Variants in DAG1 observed in about 807,000 individuals in gnomAD.
DAG1 encodes the protein dystroglycan 1.
DAG1 carries 8 observed loss-of-function variants against 46.1 expected under a neutral mutation model. The ratio of observed to expected loss-of-function variants is 0.17; its 90% CI spans 0.10 to 0.31. The LOEUF is 0.31. Ranked by LOEUF, DAG1 falls within the 10% of genes least tolerant of loss-of-function variation. The pLI is 1.00. For missense variants in DAG1, 1,003 were observed against 1,189.9 expected (o/e 0.84, Z 2.31); for synonymous variants, 495 against 481.8 (o/e 1.03, Z -0.36).
rs778610513 is a variant in DAG1, at chr3:49,532,447, A to G, written c.1936A>G (p.Thr646Ala). Residue 646 changes from threonine (T) to alanine (A), a missense_variant, in exon 3 of 3, where the codon ACC (threonine) becomes GCC (alanine). This residue lies in a region of DAG1 where 755 missense variants were observed against 854.1 expected (regional missense o/e 0.88). Coordinates refer to ENST00000308775, the MANE Select transcript of DAG1 (RefSeq NM_004393.6). This position sits in a 1 kb window ranked among gnomAD's most constrained non-coding sequence, Gnocchi z 5.4. ...AFGDRNCSTITLQNITRGSIV... is the reference protein window; with the variant it reads ...AFGDRNCSTIALQNITRGSIV... The stretch of plus-strand genomic sequence containing the variant: ...TGGAGACCGAAACTGTAGCACCATC[A>G]CCCTGCAGAATATCACCCGGGGCTC... 5 of 1,614,136 alleles carry G rather than the reference A, an allele frequency of 3.1e-6. No individual in the cohort carries two copies. The highest frequency in any genetic ancestry group is 4.2e-6 in the Non-Finnish European group (5 of 1,180,010).
intron 1 of DAG1, among the ~76,000 whole-genome samples, chr3:49,470,731 T>A (rs907482061): frequency 6.6e-6 from 1 of 152,190 alleles, no homozygotes; most frequent in Non-Finnish European, 1.5e-5. Flanking sequence ...GCCTGCGCCT[T>A]GGCCGCGGTC....
At chr3:49,490,804 A>G (rs191855284) in intron 1 of DAG1, among the ~76,000 whole-genome samples, 2 of 151,340 alleles carry the variant, frequency 1.3e-5, no homozygotes, top group East Asian at 3.9e-4. Flanking sequence ...TCATCAGTGC[A>G]AGCTATCTGC....
chr3:49,526,130 C>T (rs1013995552), intron 2 of DAG1, among the ~76,000 whole-genome samples: 6 of 152,320 alleles, frequency 3.9e-5, no homozygotes, highest in Non-Finnish European at 5.9e-5. Flanking sequence ...GGATTATAGG[C>T]GTGAGCCTCT....
chr3:49,478,444 A>T (rs1460286068), intron 1 of DAG1, among the ~76,000 whole-genome samples: 2 of 149,870 alleles, frequency 1.3e-5, no homozygotes, highest in African/African-American at 2.4e-5. Context: ...AAAATAAAAA[A>T]AAAAAAAAAA....
intron 1 of DAG1, among the ~76,000 whole-genome samples, chr3:49,506,658 C>T (rs1354244314): frequency 6.6e-6 from 1 of 152,080 alleles, no homozygotes; most frequent in Non-Finnish European, 1.5e-5. Context: ...GGAATAAGTA[C>T]CACTTGGTCG....
chr3:49,525,452 T>G (rs193023809), intron 2 of DAG1, among the ~76,000 whole-genome samples: 45 of 152,320 alleles, frequency 3.0e-4, no homozygotes, highest in Non-Finnish European at 4.4e-5. Context: ...GGCTTCTGCT[T>G]CTGGGGATGC....
At chr3:49,473,578 TCTTC>T (rs1253110726) in intron 1 of DAG1, among the ~76,000 whole-genome samples, 22 of 151,942 alleles carry the variant, frequency 1.4e-4, no homozygotes, top group Non-Finnish European at 2.9e-4. Flanking sequence ...TCATTTCTTT[TCTTC>T]CTTTTTTTTT....
At chr3:49,513,878 A>C (rs1228012919) in intron 2 of DAG1, among the ~76,000 whole-genome samples, 3 of 152,188 alleles carry the variant, frequency 2.0e-5, no homozygotes, top group Admixed American at 1.3e-4. Context: ...TTAATCCTGA[A>C]TATCCATACC....
At chr3:49,474,350 G>A (rs958319407) in intron 1 of DAG1, among the ~76,000 whole-genome samples, 5 of 151,224 alleles carry the variant, frequency 3.3e-5, no homozygotes, top group South Asian at 2.1e-4. Context: ...CACCGCACCC[G>A]GCTAATTTTT....
At chr3:49,519,731 A>G (rs749190620) in intron 2 of DAG1, among the ~76,000 whole-genome samples, 19 of 152,328 alleles carry the variant, frequency 1.2e-4, no homozygotes, top group Non-Finnish European at 2.2e-4. Context: ...ATAGGCTTCT[A>G]TGTTTAAAAA....
chr3:49,515,137 G>A (rs985099959), intron 2 of DAG1, among the ~76,000 whole-genome samples: 2 of 151,650 alleles, frequency 1.3e-5, no homozygotes, highest in African/African-American at 4.8e-5. Context: ...CCCAGCCCAC[G>A]TTTTGTATTT....
rs201202889 is a variant in DAG1 at position 49,478,802 on chromosome 3, C to CTTTTTTTTTTTTTTTT, written c.-117+8382_-117+8397dup. Among the ~76,000 whole-genome samples the CTTTTTTTTTTTTTTTT allele has an allele frequency of 6.1e-4, 46 of 76,012 alleles. 3 individuals are homozygous for CTTTTTTTTTTTTTTTT. The highest frequency in any genetic ancestry group is 1.4e-3 in the South Asian group (3 of 2,096). 49.9% of individuals were successfully genotyped at this position (76,012 alleles called of 152,430 possible). ...TGAAAAGTCTCTTGTCGTCCCCTCCCTTTTTTTTTTTTTTTTTTTTTTTTT... is the reference window on the plus strand; with the variant it reads ...TGAAAAGTCTCTTGTCGTCCCCTCCCTTTTTTTTTTTTTTTTTTTTTTTTTTTTTTTTTTTTTTTTT... On this transcript the variant is annotated intron_variant, in intron 1 of 2. Transcript: ENST00000308775.
intron 1 of DAG1, among the ~76,000 whole-genome samples, chr3:49,492,039 G>A (rs943717747): frequency 3.3e-5 from 5 of 151,504 alleles, no homozygotes; most frequent in African/African-American, 1.2e-4. Flanking sequence ...CAATTCTTCT[G>A]CCTCAGCCTC....
chr3:49,534,774 T>G lies in DAG1; in HGVS notation c.*1575T>G, dbSNP rs945204013. On this transcript the variant is annotated 3_prime_UTR_variant, in exon 3 of 3. Transcript: ENST00000308775. ...GAAGAAACCATTTTGAGCATGACTT[T>G]TCTTGATGTCTGAAGCGTTATTTTG... 6.6e-6 allele frequency: 1 copy of G among 152,650 alleles called. No individual in the cohort carries two copies. Among genetic ancestry groups the G allele is most frequent in the African/African-American group, 2.4e-5 (1 of 41,446 alleles). 9.5% of individuals were successfully genotyped at this position (152,650 alleles called of 1,614,324 possible). A position where few individuals can be genotyped will look rare whatever the true frequency, so the allele number is the denominator to read the frequency against.
intron 1 of DAG1, 163 bp downstream of exon 1, chr3:49,470,596 G>C (rs1352105718): frequency 6.6e-6 from 1 of 152,288 alleles, no homozygotes; most frequent in Admixed American, 6.5e-5. Flanking sequence ...TGCCGCCCGG[G>C]CGGAGCCGCC....
chr3:49,481,823 A>G (rs1216464590), intron 1 of DAG1, among the ~76,000 whole-genome samples: 1 of 152,200 alleles, frequency 6.6e-6, no homozygotes, highest in Non-Finnish European at 1.5e-5. Context: ...ATGAGAATCT[A>G]CAAACAAGCA....
At chr3:49,470,161 A>G (rs2049465585), upstream of DAG1, 1 of 150,812 alleles carries the variant, frequency 6.6e-6, no homozygotes. Flanking sequence ...GCGGACAGCC[A>G]GTCGGCGCCG....
intron 2 of DAG1, among the ~76,000 whole-genome samples, chr3:49,514,588 C>T (rs1221981026): frequency 3.3e-5 from 5 of 151,676 alleles, no homozygotes; most frequent in Non-Finnish European, 7.4e-5. Flanking sequence ...CTCCTGCCTC[C>T]ATCTCCCGAG....
At chr3:49,523,694 A>G (rs2051097809) in intron 2 of DAG1, among the ~76,000 whole-genome samples, 1 of 152,206 alleles carries the variant, frequency 6.6e-6, no homozygotes, top group South Asian at 2.1e-4. Context: ...GAGCCTGGAC[A>G]TGCCCTGGGC....
Sources: allele counts gnomAD v4.1 joint callset (sites outside exome capture counted in the v4.1 genomes callset), GRCh38; gene constraint gnomAD v4.1.1; regional missense constraint gnomAD v4.1.1; non-coding constraint Gnocchi (gnomAD v3.1); transcripts MANE v1.5; gene names NCBI Gene and HGNC (gene_info 2026-07-23, HGNC 2026-07-21).